The following DLGAP2 variants were observed in gnomAD, a reference collection of about 807,000 sequenced individuals.
The protein encoded by DLGAP2 is disks large-associated protein 2.
In DLGAP2, 26 loss-of-function variants were observed where a neutral mutation model predicts 100.3. The observed-to-expected ratio is 0.26, with a 90% CI of 0.19 to 0.36. The LOEUF (loss-of-function observed/expected upper bound fraction) is 0.36, where lower values mean the gene tolerates loss of function less well. Ranked by LOEUF, DLGAP2 falls within the 10% of genes least tolerant of loss-of-function variation. The pLI is 1.00. For synonymous variants in DLGAP2, 886 were observed against 630.1 expected (o/e 1.41, Z -6.08); for missense variants, 1,858 against 1,453.2 (o/e 1.28, Z -4.53).
At chr8:1,475,868 G>GT (rs1208539391) in intron 3 of DLGAP2, among the ~76,000 whole-genome samples, 2 of 152,014 alleles carry the variant, frequency 1.3e-5, no homozygotes, top group African/African-American at 2.4e-5. Context: ...CCCATTTCTT[G>GT]TTTTTTTCTC....
intron 5 of DLGAP2, 64 bp downstream of exon 5, chr8:1,549,747 T>C: frequency 7.1e-7 from 1 of 1,417,364 alleles, no homozygotes; most frequent in Non-Finnish European, 9.3e-7. Flanking sequence ...TCGTTATTCC[T>C]TTTTTAATTG....
At chr8:971,794 C>T (rs570449239) in intron 2 of DLGAP2, among the ~76,000 whole-genome samples, 3 of 152,116 alleles carry the variant, frequency 2.0e-5, no homozygotes, top group East Asian at 1.9e-4. Context: ...TTTATGGGAT[C>T]CTAAGCAATG....
intron 3 of DLGAP2, among the ~76,000 whole-genome samples, chr8:1,414,768 G>A (rs60158701): frequency 0.026 from 4,010 of 152,252 alleles, 166 homozygotes; most frequent in African/African-American, 0.091. Context: ...CAACACTTTC[G>A]GAGGCCAAGG....
chr8:1,044,170 TA>T (rs1802452729), intron 2 of DLGAP2, among the ~76,000 whole-genome samples: 1 of 152,144 alleles, frequency 6.6e-6, no homozygotes, highest in Admixed American at 6.5e-5. Flanking sequence ...TGGCACAGAC[TA>T]GGGGCCCAAT....
At chr8:910,942 T>G (rs1321363026) in intron 2 of DLGAP2, among the ~76,000 whole-genome samples, 3 of 152,166 alleles carry the variant, frequency 2.0e-5, no homozygotes, top group South Asian at 4.1e-4. Flanking sequence ...GCTGCTGGAC[T>G]TGGGCTGTCG....
intron 3 of DLGAP2, among the ~76,000 whole-genome samples, chr8:1,493,847 C>T (rs1028986473): frequency 3.3e-5 from 5 of 152,220 alleles, no homozygotes; most frequent in Non-Finnish European, 7.3e-5. Flanking sequence ...TACCCTGATT[C>T]TTCCTAGGCA....
At chr8:1,365,128 G>T (rs1028916049) in intron 3 of DLGAP2, among the ~76,000 whole-genome samples, 1 of 152,194 alleles carries the variant, frequency 6.6e-6, no homozygotes, top group Non-Finnish European at 1.5e-5. Flanking sequence ...GAGGTCAGGG[G>T]CCTGCAGTCA....
chr8:977,285 C>T (rs1423220946), intron 2 of DLGAP2, among the ~76,000 whole-genome samples: 1 of 152,190 alleles, frequency 6.6e-6, no homozygotes, highest in East Asian at 1.9e-4. Context: ...CATTCCTTCT[C>T]TTGAAGTCTG....
chr8:1,389,764 C>T (rs1244696759), intron 3 of DLGAP2, among the ~76,000 whole-genome samples: 1 of 152,120 alleles, frequency 6.6e-6, no homozygotes, highest in Non-Finnish European at 1.5e-5. Flanking sequence ...AGCTGGGGAC[C>T]TACAGGTACA....
intron 3 of DLGAP2, among the ~76,000 whole-genome samples, chr8:1,295,577 A>G (rs1293466929): frequency 5.3e-5 from 8 of 152,226 alleles, no homozygotes; most frequent in Admixed American, 3.9e-4. Flanking sequence ...GCTCCTGGAA[A>G]CAGCTCTCCA....
Position 853,853 on chromosome 8 carries a change from C to T in DLGAP2, c.19-54059C>T, listed in dbSNP as rs191275323. On this transcript the variant is annotated intron_variant, in intron 1 of 14. Transcript: ENST00000637795. ...TCTGTGGTGGGCTGAAGGTTTGTCCCCCAGATTCATACCCTAACCCCCAAT... is the reference window on the plus strand; with the variant it reads ...TCTGTGGTGGGCTGAAGGTTTGTCCTCCAGATTCATACCCTAACCCCCAAT... Among the ~76,000 whole-genome samples, 3 of 152,078 alleles carry T rather than the reference C, an allele frequency of 2.0e-5. No individual in the cohort carries two copies. In the South Asian group the frequency reaches 6.2e-4, roughly 32 times the overall value.
intron 3 of DLGAP2, among the ~76,000 whole-genome samples, chr8:1,449,874 G>A (rs374482003): frequency 5.0e-5 from 7 of 139,764 alleles, no homozygotes; most frequent in Non-Finnish European, 1.6e-5. Context: ...GAGGTGGGCG[G>A]CCTCGGTGGC....
intron 3 of DLGAP2, among the ~76,000 whole-genome samples, chr8:1,261,984 C>G (rs117022997): frequency 6.6e-6 from 1 of 152,166 alleles, no homozygotes; most frequent in Non-Finnish European, 1.5e-5. Context: ...GGCACCACCT[C>G]ATTTAGCATC....
At chr8:1,265,077 G>A (rs1799425436) in intron 3 of DLGAP2, among the ~76,000 whole-genome samples, 2 of 152,016 alleles carry the variant, frequency 1.3e-5, no homozygotes, top group Admixed American at 1.3e-4. Context: ...ACCCAGTCTC[G>A]AGTATTTCTT....
chr8:1,122,760 C>A (rs895024685), intron 2 of DLGAP2, among the ~76,000 whole-genome samples: 1 of 148,844 alleles, frequency 6.7e-6, no homozygotes, highest in African/African-American at 2.5e-5. Flanking sequence ...CTTCTTTTTT[C>A]TTTTTTTTTT....
chr8:1,682,370 C>T (rs1314997613), intron 12 of DLGAP2, among the ~76,000 whole-genome samples: 2 of 152,280 alleles, frequency 1.3e-5, no homozygotes, highest in Non-Finnish European at 2.9e-5. Flanking sequence ...GGAGGCATTC[C>T]AGAATATTCT....
chr8:963,583 C>T (rs1315583791), intron 2 of DLGAP2, among the ~76,000 whole-genome samples: 1 of 152,116 alleles, frequency 6.6e-6, no homozygotes, highest in Non-Finnish European at 1.5e-5. Flanking sequence ...GGAATAATCA[C>T]ATTAATTTTA....
At chr8:1,144,312 A>T (rs1038268068) in intron 2 of DLGAP2, among the ~76,000 whole-genome samples, 10 of 152,258 alleles carry the variant, frequency 6.6e-5, no homozygotes, top group Admixed American at 5.9e-4. Context: ...AAAACAAATC[A>T]GGAGGTAAAA....
chr8:1,694,684 C>G (rs1799335575), intron 13 of DLGAP2, among the ~76,000 whole-genome samples: 1 of 152,154 alleles, frequency 6.6e-6, no homozygotes, highest in African/African-American at 2.4e-5. Context: ...TGAGCAGGTG[C>G]CGGCGCACAG....
Sources: gnomAD v4.1 joint callset for allele counts (sites outside exome capture counted in the v4.1 genomes callset) on GRCh38, gnomAD v4.1.1 for gene constraint, MANE v1.5 for transcripts, NCBI Gene and HGNC (gene_info 2026-07-23, HGNC 2026-07-21) for gene names.